CHN1: variants seen among roughly 807,000 people sequenced by gnomAD.
CHN1 encodes the protein N-chimaerin.
In CHN1, 37 loss-of-function variants were observed where a neutral mutation model predicts 59.5. The ratio of observed to expected loss-of-function variants is 0.62; its 90% CI spans 0.48 to 0.82. The LOEUF is 0.82. Ranked by LOEUF, CHN1 falls within the 40% of genes least tolerant of loss-of-function variation. The probability of loss-of-function intolerance (pLI) is 0.00; values close to 1 mark genes in which losing one functional copy is unlikely to be tolerated. For missense variants in CHN1, 469 were observed against 571.0 expected, an observed-to-expected ratio of 0.82 and a Z score of 1.82; for synonymous variants, 206 against 200.4, an observed-to-expected ratio of 1.03 and a Z score of -0.24.
chr2:174,925,086 A>C (rs957715049), intron 3 of CHN1, among the ~76,000 whole-genome samples: 11 of 152,058 alleles, frequency 7.2e-5, no homozygotes, highest in Non-Finnish European at 1.5e-4. Context: ...TTTACCACAT[A>C]AACAAACAAA....
rs1190338298 is a variant in CHN1 at position 174,996,042 on chromosome 2, A to G, written c.19+8852T>C. Among the ~76,000 whole-genome samples, 4 of 151,412 alleles carry G rather than the reference A, an allele frequency of 2.6e-5. No homozygotes were observed. The East Asian group carries it at 7.7e-4, about 29-fold the overall frequency. On this transcript the variant is annotated intron_variant, in intron 1 of 12. Coordinates refer to ENST00000409900, the MANE Select transcript of CHN1 (RefSeq NM_001822.7). ...TCGCTATGTTTGTATAGGAAAAAAC[A>G]TAGTAGATAATAGGGTTCTGTACTA...
intron 1 of CHN1, among the ~76,000 whole-genome samples, chr2:174,987,410 T>C (rs1691385250): frequency 6.6e-6 from 1 of 151,502 alleles, no homozygotes; most frequent in Non-Finnish European, 1.5e-5. Flanking sequence ...TTTTTTCTTT[T>C]TTTTTTTTTT....
intron 5 of CHN1, among the ~76,000 whole-genome samples, chr2:174,911,756 G>A (rs1688708246): frequency 1.3e-5 from 2 of 152,182 alleles, no homozygotes; most frequent in African/African-American, 4.8e-5. Flanking sequence ...CCTCAGTGGA[G>A]GGCTAGTCTC....
intron 7 of CHN1, among the ~76,000 whole-genome samples, chr2:174,835,069 T>C (rs11903023): frequency 0.026 from 3,981 of 152,244 alleles, 195 homozygotes; most frequent in African/African-American, 0.091. Flanking sequence ...AAACCCACCA[T>C]AAGTTGAAAA....
chr2:174,876,839 G>A (rs1310448197), intron 6 of CHN1, among the ~76,000 whole-genome samples: 2 of 152,066 alleles, frequency 1.3e-5, no homozygotes, highest in Admixed American at 6.6e-5. Flanking sequence ...AGCATTTTAC[G>A]CTTGCTATCT....
chr2:174,941,612 T>C (rs1018571221), intron 3 of CHN1, among the ~76,000 whole-genome samples: 2 of 152,068 alleles, frequency 1.3e-5, no homozygotes, highest in Non-Finnish European at 2.9e-5. Context: ...TTTTATATAG[T>C]TGTGACTTTT....
chr2:174,957,575 T>G (rs1276057319), intron 1 of CHN1, among the ~76,000 whole-genome samples: 2 of 152,162 alleles, frequency 1.3e-5, no homozygotes, highest in Non-Finnish European at 2.9e-5. Context: ...TTCCTTGATA[T>G]TCTGCTGTTA....
chr2:174,910,109 C>T (rs1462609977), intron 5 of CHN1, among the ~76,000 whole-genome samples: 1 of 152,074 alleles, frequency 6.6e-6, no homozygotes, highest in East Asian at 1.9e-4. Flanking sequence ...CTCTGATTTT[C>T]CTCTATTCTT....
At chr2:174,962,111 C>A (rs1464063078) in intron 1 of CHN1, among the ~76,000 whole-genome samples, 1 of 152,016 alleles carries the variant, frequency 6.6e-6, no homozygotes, top group Non-Finnish European at 1.5e-5. Flanking sequence ...ATGGTGAAAC[C>A]CCGTCTCTAC....
chr2:174,895,198 G>GTATATATA (rs373448897), intron 5 of CHN1, among the ~76,000 whole-genome samples: 19 of 141,092 alleles, frequency 1.3e-4, no homozygotes, highest in African/African-American at 4.5e-4. Context: ...GTGTGTGTGT[G>GTATATATA]TATATATATA....
chr2:174,885,123 TAA>T (rs557769053), intron 5 of CHN1, among the ~76,000 whole-genome samples: 5 of 134,934 alleles, frequency 3.7e-5, no homozygotes, highest in Admixed American at 7.5e-5. Flanking sequence ...CCATCTCTAC[TAA>T]AAAAAAAAAA....
intron 1 of CHN1, among the ~76,000 whole-genome samples, chr2:174,957,014 A>G (rs1690229374): frequency 6.6e-6 from 1 of 152,172 alleles, no homozygotes; most frequent in Non-Finnish European, 1.5e-5. Context: ...CTTGTGTTAT[A>G]TGTGTATCTC....
At chr2:174,941,021 GT>G (rs902124496) in intron 3 of CHN1, among the ~76,000 whole-genome samples, 1 of 151,868 alleles carries the variant, frequency 6.6e-6, no homozygotes, top group African/African-American at 2.4e-5. Context: ...AACAAAGTGA[GT>G]TTTTTTTAAT....
intron 3 of CHN1, among the ~76,000 whole-genome samples, chr2:174,941,048 C>T (rs189176613): frequency 1.6e-4 from 25 of 152,086 alleles, no homozygotes; most frequent in Non-Finnish European, 2.9e-4. Context: ...AGTATAATTA[C>T]GGACTTACAA....
Position 174,816,127 on chromosome 2 carries a change from C to A in CHN1, c.713-3645G>T, listed in dbSNP as rs1272220345. On this transcript the variant is annotated intron_variant, in intron 8 of 12. Transcript: ENST00000409900. ...TAGGATGGGCATAGATGATAGAGTTCTCACCAGTCTCAGCTGCCTCATTAC... is the reference window on the plus strand; with the variant it reads ...TAGGATGGGCATAGATGATAGAGTTATCACCAGTCTCAGCTGCCTCATTAC... Among the ~76,000 whole-genome samples the A allele has an allele frequency of 4.0e-5, 5 of 126,168 alleles. No individual in the cohort carries two copies. The Middle Eastern group carries it at 0.017, about 417-fold the overall frequency. The allele number at this position is 126,168 out of a possible 152,430, so 82.8% of individuals were successfully genotyped here.
intron 1 of CHN1, among the ~76,000 whole-genome samples, chr2:174,971,784 T>C (rs1010800415): frequency 5.3e-5 from 8 of 152,260 alleles, no homozygotes; most frequent in African/African-American, 1.4e-4. Context: ...CTGACCAAAA[T>C]TGATAGTATA....
At chr2:174,806,044 G>A (rs1684875550) in intron 11 of CHN1, among the ~76,000 whole-genome samples, 1 of 152,176 alleles carries the variant, frequency 6.6e-6, no homozygotes, top group Non-Finnish European at 1.5e-5. Context: ...TCGTGACCAG[G>A]AAGCATCCAT....
At chr2:174,819,962 A>G (rs889990953) in intron 8 of CHN1, among the ~76,000 whole-genome samples, 7 of 151,164 alleles carry the variant, frequency 4.6e-5, no homozygotes, top group African/African-American at 1.7e-4. Flanking sequence ...ATGATTTCCA[A>G]TTTCATCCAT....
chr2:174,966,621 C>G lies in CHN1; in HGVS notation c.20-14419G>C, dbSNP rs3771915. Among the ~76,000 whole-genome samples the G allele has an allele frequency of 6.6e-5, 10 of 152,316 alleles. No individual in the cohort carries two copies. In the East Asian group the frequency reaches 1.9e-3, roughly 29 times the overall value. ...ACAAAGTCCTTCTGCTTACTCAAAT[C>G]TTTCACTATACTCCTGAAAACAAAA... is the stretch of plus-strand genomic sequence containing the variant. On this transcript the variant is annotated intron_variant, in intron 1 of 12. Transcript: ENST00000409900.
Sources: allele counts gnomAD v4.1 joint callset (sites outside exome capture counted in the v4.1 genomes callset), GRCh38; gene constraint gnomAD v4.1.1; transcripts MANE v1.5; gene names NCBI Gene and HGNC (gene_info 2026-07-23, HGNC 2026-07-21).